The following SPOCK3 variants were observed in gnomAD, a reference collection of about 807,000 sequenced individuals.
The protein encoded by SPOCK3 is SPARC (osteonectin), cwcv and kazal like domains proteoglycan 3.
Under a neutral mutation model 56.6 loss-of-function variants are expected in SPOCK3, and 30 were observed. That is an observed-to-expected ratio of 0.53 (90% CI 0.40 to 0.72). SPOCK3 has a LOEUF of 0.72. Ranked by LOEUF, SPOCK3 falls within the 30% of genes least tolerant of loss-of-function variation. The probability of loss-of-function intolerance (pLI) is 0.00; values close to 1 mark genes in which losing one functional copy is unlikely to be tolerated. For missense variants in SPOCK3, 527 were observed against 530.0 expected (o/e 0.99, Z 0.06); for synonymous variants, 196 against 183.3 (o/e 1.07, Z -0.56).
chr4:166,892,025 C>A (rs545978904), intron 5 of SPOCK3, among the ~76,000 whole-genome samples: 2 of 151,992 alleles, frequency 1.3e-5, no homozygotes, highest in African/African-American at 4.8e-5. Context: ...CTTGAATGAA[C>A]AACAAACATA....
chr4:166,943,319 T>C (rs1353786077), intron 4 of SPOCK3, among the ~76,000 whole-genome samples: 1 of 152,188 alleles, frequency 6.6e-6, no homozygotes, highest in African/African-American at 2.4e-5. Flanking sequence ...CATAGGCATT[T>C]CTTTGGGAGT....
chr4:167,117,398 G>A (rs1250124457), intron 2 of SPOCK3, among the ~76,000 whole-genome samples: 1 of 152,018 alleles, frequency 6.6e-6, no homozygotes, highest in Non-Finnish European at 1.5e-5. Flanking sequence ...GGCCATATGA[G>A]GAAGCCTGAG....
intron 2 of SPOCK3, among the ~76,000 whole-genome samples, chr4:167,083,007 T>C (rs35142942): frequency 0.024 from 3,696 of 152,178 alleles, 79 homozygotes; most frequent in Middle Eastern, 0.058. Context: ...TAAGCCATAA[T>C]GTTCTCCTGT....
At chr4:167,148,945 A>G (rs1764191466) in intron 2 of SPOCK3, among the ~76,000 whole-genome samples, 4 of 152,110 alleles carry the variant, frequency 2.6e-5, no homozygotes, top group African/African-American at 7.2e-5. Context: ...GTGCTACATA[A>G]TAGACTGAAT....
chr4:166,768,449 C>T (rs1473176135), intron 7 of SPOCK3, among the ~76,000 whole-genome samples: 3 of 151,928 alleles, frequency 2.0e-5, no homozygotes, highest in African/African-American at 7.2e-5. Context: ...ACTTATGAAG[C>T]TAGTTTGGCT....
chr4:166,936,885 A>C (rs1229216906), intron 4 of SPOCK3, among the ~76,000 whole-genome samples: 1 of 152,022 alleles, frequency 6.6e-6, no homozygotes, highest in Non-Finnish European at 1.5e-5. Context: ...TATATTCCAA[A>C]TGTCTTCATA....
intron 8 of SPOCK3, among the ~76,000 whole-genome samples, chr4:166,748,749 C>G (rs1320743888): frequency 7.3e-6 from 1 of 136,774 alleles, no homozygotes; most frequent in Non-Finnish European, 1.5e-5. Flanking sequence ...TGACAAAGGG[C>G]TAACATCCAG....
At chr4:167,205,544 TTATATAATATATAA>T (rs1440745576) in intron 2 of SPOCK3, among the ~76,000 whole-genome samples, 5 of 57,620 alleles carry the variant, frequency 8.7e-5, no homozygotes, top group African/African-American at 3.5e-4. Context: ...ATAATATATA[TTATATAATATATAA>T]TATATATTAT....
intron 2 of SPOCK3, among the ~76,000 whole-genome samples, chr4:167,213,828 A>G (rs1735108915): frequency 6.6e-6 from 1 of 151,752 alleles, no homozygotes; most frequent in South Asian, 2.1e-4. Context: ...AATATATAAC[A>G]TATCAGATCA....
At chr4:167,103,507 T>C (rs983513731) in intron 2 of SPOCK3, among the ~76,000 whole-genome samples, 8 of 152,148 alleles carry the variant, frequency 5.3e-5, no homozygotes, top group Non-Finnish European at 8.8e-5. Context: ...CCTCTGTCCA[T>C]GGAAGGGACA....
At chr4:167,210,954 G>A (rs1734813213) in intron 2 of SPOCK3, among the ~76,000 whole-genome samples, 1 of 152,114 alleles carries the variant, frequency 6.6e-6, no homozygotes, top group African/African-American at 2.4e-5. Context: ...TGGAAAACAT[G>A]CTTAATCTAA....
chr4:166,749,341 C>T (rs6834613), intron 8 of SPOCK3, among the ~76,000 whole-genome samples: 58,907 of 112,282 alleles, frequency 0.52, 18,619 homozygotes, highest in African/African-American at 0.6. Context: ...TTTGTAGGGA[C>T]ATGGATGAAG....
intron 7 of SPOCK3, among the ~76,000 whole-genome samples, chr4:166,789,140 C>T (rs1167223815): frequency 6.6e-6 from 1 of 151,922 alleles, no homozygotes; most frequent in African/African-American, 2.4e-5. Flanking sequence ...ATTAAAAATA[C>T]AAAAACTTGC....
At chr4:166,904,634 C>G (rs1263307673) in intron 5 of SPOCK3, among the ~76,000 whole-genome samples, 1 of 151,928 alleles carries the variant, frequency 6.6e-6, no homozygotes, top group African/African-American at 2.4e-5. Context: ...CATGTTCTCA[C>G]TCATATGTGG....
chr4:167,171,189 T>C (rs187154584), intron 2 of SPOCK3, among the ~76,000 whole-genome samples: 16 of 152,296 alleles, frequency 1.1e-4, no homozygotes, highest in Non-Finnish European at 2.1e-4. Context: ...AAAGAAGGGC[T>C]TATTTATTTG....
chr4:166,902,034 C>T (rs1560990044), intron 5 of SPOCK3, among the ~76,000 whole-genome samples: 1 of 152,142 alleles, frequency 6.6e-6, no homozygotes, highest in African/African-American at 2.4e-5. Context: ...CATTTTTGCA[C>T]ATCATGCAAT....
At chr4:166,928,249 G>C (rs1229232965) in intron 4 of SPOCK3, among the ~76,000 whole-genome samples, 4 of 152,130 alleles carry the variant, frequency 2.6e-5, no homozygotes, top group Non-Finnish European at 5.9e-5. Context: ...AAGTTGAAAA[G>C]GTATGTCCAC....
intron 4 of SPOCK3, among the ~76,000 whole-genome samples, chr4:166,947,228 C>G (rs927799481): frequency 2.0e-5 from 3 of 152,176 alleles, no homozygotes; most frequent in Admixed American, 6.5e-5. Context: ...TATAGTCAAC[C>G]AACAGCCCCA....
intron 6 of SPOCK3, among the ~76,000 whole-genome samples, chr4:166,799,578 T>C (rs1411821890): frequency 6.6e-6 from 1 of 152,088 alleles, no homozygotes; most frequent in African/African-American, 2.4e-5. Context: ...AGGAAGAAGA[T>C]ACTTAAAAGG....
Sources: gnomAD v4.1 joint callset for allele counts (sites outside exome capture counted in the v4.1 genomes callset) on GRCh38, gnomAD v4.1.1 for gene constraint, MANE v1.5 for transcripts, NCBI Gene and HGNC (gene_info 2026-07-23, HGNC 2026-07-21) for gene names.